TSHZ1: variants seen among roughly 807,000 people sequenced by gnomAD.
TSHZ1 encodes the protein teashirt homolog 1.
TSHZ1 carries 12 observed loss-of-function variants against 67.1 expected under a neutral mutation model. That is an observed-to-expected ratio of 0.18 (90% CI 0.11 to 0.29). TSHZ1 has a LOEUF of 0.29. TSHZ1 is among the 10% of genes least tolerant of loss of function. The pLI is 1.00. For synonymous variants in TSHZ1, 632 were observed against 622.4 expected (o/e 1.02, Z -0.23); for missense variants, 1,305 against 1,413.9 (o/e 0.92, Z 1.23).
In TSHZ1 at chr18:75,286,519, C is replaced by G. The variant is rs1382059595; in HGVS notation, c.1112C>G (p.Ala371Gly). ...PPCSPEPAGM[A>G]AEVALSESAK... is the part of the protein sequence containing the mutation. ...TGCTCCCCTGAGCCAGCAGGAATGGCCGCAGAGGTGGCCCTGAGTGAGTCA... is the reference window on the plus strand; with the variant it reads ...TGCTCCCCTGAGCCAGCAGGAATGGGCGCAGAGGTGGCCCTGAGTGAGTCA... Residue 371 changes from alanine to glycine, a missense_variant, in exon 2 of 2, where the codon GCC becomes GGC. Physicochemically the swap from Ala to Gly is moderately conservative, Grantham distance 60. This residue lies in a region of TSHZ1 where 909 missense variants were observed against 961.8 expected (regional missense o/e 0.95). Transcript: ENST00000580243. This position sits in a 1 kb window ranked among gnomAD's most constrained non-coding sequence, Gnocchi z 5.1. The G allele has an allele frequency of 6.2e-7, 1 of 1,614,114 alleles. No individual in the cohort carries two copies. The highest frequency in any genetic ancestry group is 8.5e-7 in the Non-Finnish European group (1 of 1,180,064).
At chr18:75,212,082 C>T (rs988546131) in intron 1 of TSHZ1, among the ~76,000 whole-genome samples, 166 bp downstream of exon 1, 1 of 152,054 alleles carries the variant, frequency 6.6e-6, no homozygotes, top group African/African-American at 2.4e-5. Context: ...GGTCGCCGTC[C>T]TCCCCCACAC....
At chr18:75,229,799 A>G (rs974323148) in intron 1 of TSHZ1, among the ~76,000 whole-genome samples, 2 of 152,244 alleles carry the variant, frequency 1.3e-5, no homozygotes, top group Non-Finnish European at 2.9e-5. Flanking sequence ...TGTAACATCA[A>G]TCTAACCTAA....
intron 1 of TSHZ1, among the ~76,000 whole-genome samples, chr18:75,213,076 T>A (rs566892588): frequency 6.6e-6 from 1 of 152,358 alleles, no homozygotes; most frequent in Non-Finnish European, 1.5e-5. Flanking sequence ...AGTTTGAGTA[T>A]CACATTCAGT....
chr18:75,236,135 T>C (rs751285373), intron 1 of TSHZ1, among the ~76,000 whole-genome samples: 34 of 152,154 alleles, frequency 2.2e-4, no homozygotes, highest in Non-Finnish European at 8.8e-5. Context: ...GTGTAACATT[T>C]GTGGGGTGCT....
At chr18:75,231,817 T>C (rs544887339) in intron 1 of TSHZ1, among the ~76,000 whole-genome samples, 1 of 151,880 alleles carries the variant, frequency 6.6e-6, no homozygotes, top group Non-Finnish European at 1.5e-5. Context: ...TGATGATAGG[T>C]GTGTTCCACT....
intron 1 of TSHZ1, among the ~76,000 whole-genome samples, chr18:75,257,807 A>G (rs914798115): frequency 9.2e-5 from 14 of 152,138 alleles, no homozygotes; most frequent in Admixed American, 4.6e-4. Flanking sequence ...TCCCGTGGTA[A>G]CAGAAGCTCT....
intron 1 of TSHZ1, among the ~76,000 whole-genome samples, chr18:75,268,694 A>G (rs1303904255): frequency 6.6e-6 from 1 of 152,068 alleles, no homozygotes; most frequent in Non-Finnish European, 1.5e-5. Flanking sequence ...CGAGCAAACC[A>G]TGCGAGTTAC....
Position 75,286,583 on chromosome 18 carries a change from C to T in TSHZ1, c.1176C>T (p.Pro392=), listed in dbSNP as rs779462219. ...AAGCAGCGAACCCGTACGTCACGCCCAATAACCGCTATGGCTACCAGAATG... is the reference window on the plus strand; with the variant it reads ...AAGCAGCGAACCCGTACGTCACGCCTAATAACCGCTATGGCTACCAGAATG... The part of the protein sequence containing the change: ...DQKAANPYVT[P]NNRYGYQNGA... The change falls in exon 2 of 2, where the codon CCC becomes CCT. Residue 392 remains proline (P), a synonymous_variant. Transcript: ENST00000580243. This position sits in a 1 kb window ranked among gnomAD's most constrained non-coding sequence, Gnocchi z 5.1. The T allele has an allele frequency of 1.2e-6, 2 of 1,614,224 alleles. No individual in the cohort carries two copies. The highest frequency in any genetic ancestry group is 1.7e-6 in the Non-Finnish European group (2 of 1,180,042).
intron 1 of TSHZ1, among the ~76,000 whole-genome samples, chr18:75,273,403 A>G (rs2023580755): frequency 6.6e-6 from 1 of 152,250 alleles, no homozygotes; most frequent in Non-Finnish European, 1.5e-5. Flanking sequence ...ACATTTAGCC[A>G]TTAAAAAACA....
intron 1 of TSHZ1, among the ~76,000 whole-genome samples, chr18:75,246,102 C>T (rs1273556317): frequency 6.6e-6 from 1 of 152,218 alleles, no homozygotes; most frequent in African/African-American, 2.4e-5. Flanking sequence ...TCAACCAAGA[C>T]CTGCGCTTCA....
chr18:75,238,102 A>T (rs1010871475), intron 1 of TSHZ1, among the ~76,000 whole-genome samples: 1 of 152,170 alleles, frequency 6.6e-6, no homozygotes, highest in African/African-American at 2.4e-5. Flanking sequence ...CGCCAGGCTG[A>T]CTGAAGCCTT....
intron 1 of TSHZ1, among the ~76,000 whole-genome samples, chr18:75,260,766 C>T (rs1352786882): frequency 6.6e-6 from 1 of 152,154 alleles, no homozygotes; most frequent in South Asian, 2.1e-4. Context: ...ATGTGAAACA[C>T]GCCCTGGTTG....
intron 1 of TSHZ1, among the ~76,000 whole-genome samples, chr18:75,267,529 G>A (rs555914301): frequency 7.2e-5 from 11 of 152,234 alleles, no homozygotes; most frequent in Non-Finnish European, 1.6e-4. Context: ...AATAGGCTTC[G>A]AGTGTCTCGA....
intron 1 of TSHZ1, among the ~76,000 whole-genome samples, chr18:75,253,899 AT>A (rs1484714623): frequency 3.3e-5 from 5 of 152,228 alleles, no homozygotes; most frequent in Non-Finnish European, 7.3e-5. Flanking sequence ...GATCAGTGTT[AT>A]CTGGTAGTGG....
At chr18:75,241,198 A>C (rs1028542176) in intron 1 of TSHZ1, among the ~76,000 whole-genome samples, 3 of 152,180 alleles carry the variant, frequency 2.0e-5, no homozygotes, top group African/African-American at 4.8e-5. Context: ...TCGTGTCTCT[A>C]GTATGCACCC....
intron 1 of TSHZ1, among the ~76,000 whole-genome samples, chr18:75,237,916 G>A (rs559347297): frequency 1.4e-4 from 21 of 152,130 alleles, no homozygotes; most frequent in African/African-American, 4.8e-4. Context: ...GGGTTCAAGC[G>A]ATTCTCCTGC....
chr18:75,238,384 G>A lies in TSHZ1; in HGVS notation c.40+26468G>A, dbSNP rs184946019. ...AGGCAGCTCCTGTAGCCACCTGTGC[G>A]GGGTACGTTGGAAGCTCTAAGATGA... On this transcript the variant is annotated intron_variant, in intron 1 of 1. Coordinates refer to ENST00000580243, the MANE Select transcript of TSHZ1 (RefSeq NM_001308210.2). Among the ~76,000 whole-genome samples, 19 of 152,270 alleles carry A rather than the reference G, an allele frequency of 1.2e-4. No individual in the cohort carries two copies. The East Asian group carries it at 2.3e-3, about 19-fold the overall frequency.
intron 1 of TSHZ1, among the ~76,000 whole-genome samples, chr18:75,221,856 G>A (rs1866733): frequency 0.18 from 27,552 of 152,082 alleles, 2,897 homozygotes; most frequent in East Asian, 0.27. Flanking sequence ...CAACACCTCA[G>A]CATTACTGTG....
chr18:75,255,320 T>C (rs1258504710), intron 1 of TSHZ1, among the ~76,000 whole-genome samples: 1 of 152,204 alleles, frequency 6.6e-6, no homozygotes, highest in Non-Finnish European at 1.5e-5. Context: ...GGTATGCTGC[T>C]CTTCCATGCC....
Sources: gnomAD v4.1 joint callset for allele counts (sites outside exome capture counted in the v4.1 genomes callset) on GRCh38, gnomAD v4.1.1 for gene constraint, gnomAD v4.1.1 regional missense constraint, Gnocchi (gnomAD v3.1) non-coding constraint, MANE v1.5 for transcripts, NCBI Gene and HGNC (gene_info 2026-07-23, HGNC 2026-07-21) for gene names.